ZZZ3: variants seen among roughly 807,000 people sequenced by gnomAD.
ZZZ3 encodes zinc finger ZZ-type containing 3.
In ZZZ3, 22 loss-of-function variants were observed where a neutral mutation model predicts 95.2. That is an observed-to-expected ratio of 0.23 (90% confidence interval 0.17 to 0.33). The LOEUF (loss-of-function observed/expected upper bound fraction) is 0.33. Among genes scored for constraint, ZZZ3 ranks in the 10% least tolerant of loss-of-function variants. The pLI is 1.00. For missense variants in ZZZ3, 885 were observed against 1,066.5 expected (o/e 0.83, Z 2.37); for synonymous variants, 335 against 358.9 (o/e 0.93, Z 0.75).
chr1:77,661,506 A>G (rs559560597), intron 1 of ZZZ3, among the ~76,000 whole-genome samples: 2 of 152,328 alleles, frequency 1.3e-5, no homozygotes, highest in South Asian at 4.1e-4. Context: ...GAAGTTATTT[A>G]GCCTAGAAAA....
chr1:77,597,818 T>A (rs963036917), intron 5 of ZZZ3, among the ~76,000 whole-genome samples: 10 of 152,114 alleles, frequency 6.6e-5, no homozygotes, highest in Non-Finnish European at 1.3e-4. Context: ...CATGGGATTC[T>A]GGAACACAAA....
chr1:77,635,921 G>T (rs1252859426), intron 4 of ZZZ3, among the ~76,000 whole-genome samples: 1 of 151,904 alleles, frequency 6.6e-6, no homozygotes, highest in Non-Finnish European at 1.5e-5. Context: ...AAAATAAAAA[G>T]AAAAGAACAC....
intron 1 of ZZZ3, 84 bp from the exon 2 acceptor site, chr1:77,641,739 A>G: frequency 2.5e-6 from 1 of 392,916 alleles, no homozygotes; most frequent in East Asian, 3.6e-5. Flanking sequence ...ATTTCCAAAC[A>G]CTTATATAGC....
intron 6 of ZZZ3, 28 bp from the exon 7 acceptor site, chr1:77,582,154 A>T (rs765768367): frequency 6.4e-7 from 1 of 1,566,404 alleles, no homozygotes; most frequent in Non-Finnish European, 8.6e-7. Flanking sequence ...AAAACAAAAT[A>T]AAGTAAAAGT....
intron 1 of ZZZ3, among the ~76,000 whole-genome samples, chr1:77,678,792 C>T (rs771378172): frequency 9.9e-5 from 15 of 152,144 alleles, no homozygotes; most frequent in Non-Finnish European, 1.6e-4. Flanking sequence ...GCTTATTATA[C>T]TTGGTTGCAG....
rs556259764 is a variant in ZZZ3 at position 77,626,446 on chromosome 1, G to T, written c.1505+5404C>A. The stretch of plus-strand genomic sequence containing the variant: ...CAACTAGACGATCTCATCTGGGGGT[G>T]ATAAGAGACAGTGACAGATCATCAG... On this transcript the variant is annotated intron_variant, in intron 5 of 14. Transcript: ENST00000370801. Among the ~76,000 whole-genome samples the T allele has an allele frequency of 2.0e-5, 3 of 152,330 alleles. No homozygotes were observed. The South Asian group carries it at 6.2e-4, about 32-fold the overall frequency.
At position 77,608,020 on chromosome 1, in the gene ZZZ3, T is replaced by C. The variant is rs115136823; in HGVS notation, c.1506-23365A>G. ...AAGCATGACTACAGGATCTGGAAAA[T>C]AGCCTCACAAGGGCAAATCTAAGAG... On this transcript the variant is annotated intron_variant, in intron 5 of 14. Transcript: ENST00000370801. 8.0e-3 allele frequency among the ~76,000 whole-genome samples: 1,181 copies of C among 147,876 alleles called. 17 individuals are homozygous for C. Among genetic ancestry groups the C allele is most frequent in the African/African-American group, 0.027 (1,098 of 39,996 alleles).
chr1:77,622,360 T>A (rs1570534862), intron 5 of ZZZ3, among the ~76,000 whole-genome samples: 4 of 80,560 alleles, frequency 5.0e-5, no homozygotes, highest in Non-Finnish European at 8.0e-5. Flanking sequence ...GTAAAACAAA[T>A]GAAAAATAGC....
intron 12 of ZZZ3, among the ~76,000 whole-genome samples, chr1:77,575,544 A>C (rs1661843286): frequency 6.6e-6 from 1 of 152,250 alleles, no homozygotes; most frequent in African/African-American, 2.4e-5. Flanking sequence ...AATGACAAGA[A>C]GATGTAATCA....
chr1:77,630,878 C>A (rs1419449414), intron 5 of ZZZ3, among the ~76,000 whole-genome samples: 1 of 152,158 alleles, frequency 6.6e-6, no homozygotes, highest in Non-Finnish European at 1.5e-5. Context: ...ACAACAAAAC[C>A]ACTAGAAATG....
At chr1:77,610,364 C>A (rs561318264) in intron 5 of ZZZ3, among the ~76,000 whole-genome samples, 1 of 152,106 alleles carries the variant, frequency 6.6e-6, no homozygotes, top group Admixed American at 6.5e-5. Flanking sequence ...CCAATGGCTT[C>A]ATTGCTGAAT....
intron 12 of ZZZ3, among the ~76,000 whole-genome samples, chr1:77,575,279 G>C (rs1281863103): frequency 6.6e-6 from 1 of 152,210 alleles, no homozygotes; most frequent in East Asian, 1.9e-4. Context: ...CTAGGGGGCA[G>C]GGGGATTACT....
intron 1 of ZZZ3, among the ~76,000 whole-genome samples, chr1:77,652,011 C>A (rs1034446878): frequency 7.0e-6 from 1 of 143,858 alleles, no homozygotes; most frequent in African/African-American, 2.6e-5. Flanking sequence ...AGCAAAACTC[C>A]ATCTCCAAAA....
At chr1:77,587,372 C>T (rs1190680669) in intron 5 of ZZZ3, among the ~76,000 whole-genome samples, 1 of 147,402 alleles carries the variant, frequency 6.8e-6, no homozygotes, top group Non-Finnish European at 1.5e-5. Context: ...TCAGGCAATT[C>T]TCCTGCCTCA....
At chr1:77,605,654 T>C (rs770692638) in intron 5 of ZZZ3, among the ~76,000 whole-genome samples, 2 of 152,110 alleles carry the variant, frequency 1.3e-5, no homozygotes, top group Admixed American at 6.5e-5. Flanking sequence ...TCAGCCACAG[T>C]AGGATAGGGA....
intron 5 of ZZZ3, among the ~76,000 whole-genome samples, chr1:77,617,631 G>A (rs1437340631): frequency 2.0e-5 from 3 of 152,004 alleles, no homozygotes; most frequent in Non-Finnish European, 2.9e-5. Flanking sequence ...ATTATTTGGA[G>A]TATACATCTA....
chr1:77,621,686 A>AATTTT (rs1187440950), intron 5 of ZZZ3, among the ~76,000 whole-genome samples: 2 of 151,790 alleles, frequency 1.3e-5, no homozygotes, highest in Non-Finnish European at 2.9e-5. Context: ...GTGTGGTGGT[A>AATTTT]CGCACCTGTA....
chr1:77,590,235 A>G (rs954588882), intron 5 of ZZZ3, among the ~76,000 whole-genome samples: 8 of 152,156 alleles, frequency 5.3e-5, no homozygotes, highest in Non-Finnish European at 1.0e-4. Context: ...TTAGCTGGAC[A>G]TGGTGGTGCA....
chr1:77,617,705 C>A (rs1291684049), intron 5 of ZZZ3, among the ~76,000 whole-genome samples: 1 of 150,508 alleles, frequency 6.6e-6, no homozygotes, highest in Non-Finnish European at 1.5e-5. Flanking sequence ...TTGGGAGGCC[C>A]AGGTGGGTGA....
Sources: allele counts gnomAD v4.1 joint callset (sites outside exome capture counted in the v4.1 genomes callset), GRCh38; gene constraint gnomAD v4.1.1; transcripts MANE v1.5; gene names NCBI Gene and HGNC (gene_info 2026-07-23, HGNC 2026-07-21).